Variants in TNFAIP8L3 observed in about 807,000 individuals in gnomAD.
TNFAIP8L3 encodes the protein tumor necrosis factor alpha-induced protein 8-like protein 3.
A neutral mutation model predicts 11.8 loss-of-function variants in TNFAIP8L3; 7 were observed. That is an observed-to-expected ratio of 0.59 (90% CI 0.34 to 1.11). The LOEUF is 1.11. TNFAIP8L3 is among the 50% of genes most tolerant of loss of function. The pLI is 0.03. For missense variants in TNFAIP8L3, 219 were observed against 258.6 expected (o/e 0.85, Z 1.05); for synonymous variants, 98 against 103.8 (o/e 0.94, Z 0.34).
intron 1 of TNFAIP8L3, among the ~76,000 whole-genome samples, chr15:51,074,108 A>G (rs1309376283): frequency 6.6e-6 from 1 of 152,226 alleles, no homozygotes; most frequent in East Asian, 1.9e-4. Flanking sequence ...AGATTGGTCT[A>G]TAACTTTTTC....
At chr15:51,084,628 C>T (rs2065414472) in intron 1 of TNFAIP8L3, among the ~76,000 whole-genome samples, 1 of 152,040 alleles carries the variant, frequency 6.6e-6, no homozygotes, top group South Asian at 2.1e-4. Context: ...CTTTTAACTT[C>T]GAGTGACTCG....
At chr15:51,075,493 A>G (rs2065343524) in intron 1 of TNFAIP8L3, among the ~76,000 whole-genome samples, 1 of 152,132 alleles carries the variant, frequency 6.6e-6, no homozygotes, top group Non-Finnish European at 1.5e-5. Context: ...AGCACAGTCC[A>G]CGTTCTGTCT....
At position 51,094,091 on chromosome 15, in the gene TNFAIP8L3, C is replaced by G. The variant is rs2065492320; in HGVS notation, c.52+453G>C. Among the ~76,000 whole-genome samples, 1 of 152,162 alleles carries G rather than the reference C, an allele frequency of 6.6e-6. No individual in the cohort carries two copies. The highest frequency in any genetic ancestry group is 1.5e-5 in the Non-Finnish European group (1 of 68,020). On this transcript the variant is annotated intron_variant, in intron 1 of 1. Coordinates refer to ENST00000637513, the MANE Select transcript of TNFAIP8L3 (RefSeq NM_001311175.2). The surrounding 1 kb of genome is among the most constrained non-coding windows in gnomAD (Gnocchi z 4.4). ...TGGTTTGACCCCTGCCCCAACCACT[C>G]GCGAGGCCTTTTCTGTTCAGAGCCC...
exon 1 of TNFAIP8L3, chr15:51,105,042 G>A (rs1208087414): frequency 6.2e-7 from 1 of 1,614,158 alleles, no homozygotes; most frequent in East Asian, 2.2e-5. Flanking sequence ...AAGATAAGGG[G>A]ATGAGTCTTG....
intron 1 of TNFAIP8L3, among the ~76,000 whole-genome samples, chr15:51,081,152 G>T (rs2065389407): frequency 6.6e-6 from 1 of 152,154 alleles, no homozygotes. Flanking sequence ...GGCTTGTGGG[G>T]GTGGGTGGGG....
chr15:51,095,880 A>G (rs921947250), upstream of TNFAIP8L3, among the ~76,000 whole-genome samples: 24 of 152,224 alleles, frequency 1.6e-4, no homozygotes, highest in Non-Finnish European at 1.5e-5. Flanking sequence ...AAGAAAATCA[A>G]GAAGAAAAAG....
intron 1 of TNFAIP8L3, among the ~76,000 whole-genome samples, chr15:51,086,393 T>C (rs531290044): frequency 6.6e-6 from 1 of 152,344 alleles, no homozygotes; most frequent in South Asian, 2.1e-4. Flanking sequence ...ATTTTGTTTA[T>C]AGGCTAATGC....
Sources: allele counts gnomAD v4.1 joint callset (sites outside exome capture counted in the v4.1 genomes callset), GRCh38; gene constraint gnomAD v4.1.1; non-coding constraint Gnocchi (gnomAD v3.1); transcripts MANE v1.5; gene names NCBI Gene and HGNC (gene_info 2026-07-23, HGNC 2026-07-21).